The following RDX variants were observed in gnomAD, a reference collection of about 807,000 sequenced individuals.
RDX encodes radixin, also known as deafness, autosomal recessive 24.
A neutral mutation model predicts 83.7 loss-of-function variants in RDX; 32 were observed. The observed-to-expected ratio is 0.38, with a 90% CI of 0.29 to 0.51. The LOEUF (loss-of-function observed/expected upper bound fraction) is 0.51, where lower values mean the gene tolerates loss of function less well. Ranked by LOEUF, RDX falls within the 20% of genes least tolerant of loss-of-function variation. The probability of loss-of-function intolerance (pLI) is 0.87; values close to 1 mark genes in which losing one functional copy is unlikely to be tolerated. For synonymous variants in RDX, 229 were observed against 222.7 expected (o/e 1.03, Z -0.25); for missense variants, 600 against 689.9 (o/e 0.87, Z 1.46).
intron 3 of RDX, among the ~76,000 whole-genome samples, chr11:110,269,115 A>G (rs1860187583): frequency 6.6e-6 from 1 of 151,944 alleles, no homozygotes; most frequent in Non-Finnish European, 1.5e-5. Context: ...CACCACACTC[A>G]GCTAATGTTT....
intron 7 of RDX, among the ~76,000 whole-genome samples, chr11:110,255,790 G>A (rs1202973975): frequency 6.6e-6 from 1 of 152,024 alleles, no homozygotes; most frequent in African/African-American, 2.4e-5. Flanking sequence ...CTTCTCATGT[G>A]AATTACGGGC....
chr11:110,183,936 G>T (rs1862936327), intron 15 of RDX, among the ~76,000 whole-genome samples: 1 of 152,206 alleles, frequency 6.6e-6, no homozygotes, highest in Non-Finnish European at 1.5e-5. Flanking sequence ...GCTTTGTGTT[G>T]GGAGGGCTGT....
intron 15 of RDX, among the ~76,000 whole-genome samples, chr11:110,189,553 A>G (rs1192836724): frequency 1.3e-5 from 2 of 152,196 alleles, no homozygotes; most frequent in African/African-American, 4.8e-5. Context: ...CACAGAATAT[A>G]CATTCTTCTC....
At chr11:110,209,712 C>T in intron 14 of RDX, among the ~76,000 whole-genome samples, 1 of 146,786 alleles carries the variant, frequency 6.8e-6, no homozygotes, top group African/African-American at 2.5e-5. Context: ...TGGGAGGCAC[C>T]CCCCAGCAGG....
At chr11:110,243,371 A>G (rs750016607) in intron 10 of RDX, among the ~76,000 whole-genome samples, 2 of 152,206 alleles carry the variant, frequency 1.3e-5, no homozygotes, top group Non-Finnish European at 2.9e-5. Flanking sequence ...CTAGTGGAAG[A>G]AGTGATAAGG....
rs34158580 is a variant in RDX at position 110,203,413 on chromosome 11, T to TA, written c.1749-3736dup. Among the ~76,000 whole-genome samples, 1,052 of 125,494 alleles carry TA rather than the reference T, an allele frequency of 8.4e-3. 16 individuals are homozygous for TA. Among genetic ancestry groups the TA allele is most frequent in the African/African-American group, 0.024 (836 of 35,124 alleles). The allele number at this position is 125,494 out of a possible 152,430, so 82.3% of individuals were successfully genotyped here. The stretch of plus-strand genomic sequence containing the variant: ...TTGGGAGGTGAGAATTGTTAATGGG[T>TA]AAAAAAAAAAAAAAAAAAAGTAGAA... On this transcript the variant is annotated intron_variant, in intron 14 of 15. Coordinates refer to the RDX transcript ENST00000528498.
chr11:110,267,951 C>CT, intron 3 of RDX, among the ~76,000 whole-genome samples: 1 of 150,012 alleles, frequency 6.7e-6, no homozygotes, highest in Non-Finnish European at 1.5e-5. Context: ...AAGACCCTGT[C>CT]TGAAAAAAAA....
intron 10 of RDX, 50 bp downstream of exon 10, chr11:110,247,653 C>T: frequency 1.3e-6 from 2 of 1,588,496 alleles, no homozygotes; most frequent in Non-Finnish European, 1.7e-6. Context: ...CACTATCTGA[C>T]AACAGAGCAA....
intron 14 of RDX, among the ~76,000 whole-genome samples, chr11:110,212,273 A>C (rs1159922882): frequency 1.3e-5 from 2 of 152,004 alleles, no homozygotes; most frequent in Non-Finnish European, 2.9e-5. Flanking sequence ...CATTCTCCCA[A>C]GACTAAACCA....
intron 7 of RDX, 84 bp from the exon 8 acceptor site, chr11:110,255,469 C>A: frequency 1.3e-6 from 1 of 764,902 alleles, no homozygotes; most frequent in South Asian, 1.4e-5. Context: ...GACTGAATGA[C>A]CAATCTTAAG....
intron 15 of RDX, among the ~76,000 whole-genome samples, chr11:110,176,088 C>CTTT (rs11452453): frequency 4.9e-5 from 7 of 143,266 alleles, no homozygotes; most frequent in Non-Finnish European, 9.1e-5. Flanking sequence ...TTCTTTTTTT[C>CTTT]TTTTTTTTTT....
At chr11:110,182,182 C>G (rs1374837958) in intron 15 of RDX, among the ~76,000 whole-genome samples, 1 of 152,234 alleles carries the variant, frequency 6.6e-6, no homozygotes, top group Admixed American at 6.5e-5. Context: ...AGATTCCTTG[C>G]CGCAGTGCTG....
In RDX at chr11:110,230,578, G is replaced by GAACA. The variant is rs886047635; in HGVS notation, c.*1290_*1291insTGTT. On this transcript the variant is annotated 3_prime_UTR_variant, in exon 14 of 14. Coordinates refer to ENST00000645495, the MANE Select transcript of RDX (RefSeq NM_002906.4). Reference sequence around the variant, plus strand: ...TTTCTCTCTCTCATACACACACAGAGTACACACACACACACACACACACAC... The same window carrying GAACA: ...TTTCTCTCTCTCATACACACACAGAGAACATACACACACACACACACACACACAC... 3.6e-4 allele frequency: 29 copies of GAACA among 81,052 alleles called. No individual in the cohort carries two copies. Among genetic ancestry groups the GAACA allele is most frequent in the African/African-American group, 1.3e-3 (28 of 22,098 alleles). 5.0% of individuals were successfully genotyped at this position (81,052 alleles called of 1,614,324 possible).
intron 3 of RDX, among the ~76,000 whole-genome samples, chr11:110,267,493 C>T (rs979734856): frequency 1.0e-4 from 14 of 135,570 alleles, no homozygotes; most frequent in Non-Finnish European, 2.2e-4. Flanking sequence ...AGCCTGGGTG[C>T]CAGAGCGAGA....
intron 2 of RDX, among the ~76,000 whole-genome samples, chr11:110,277,395 C>A (rs1860564980): frequency 6.6e-6 from 1 of 152,186 alleles, no homozygotes; most frequent in African/African-American, 2.4e-5. Context: ...TCTTGGCTCA[C>A]TGCAACCTTC....
intron 14 of RDX, among the ~76,000 whole-genome samples, chr11:110,207,310 TG>T (rs1863642576): frequency 6.6e-6 from 1 of 152,160 alleles, no homozygotes; most frequent in Non-Finnish European, 1.5e-5. Flanking sequence ...ATAGATCTAC[TG>T]AATGTGAAAC....
At chr11:110,273,213 C>A in intron 2 of RDX, 1 of 349,918 alleles carries the variant, frequency 2.9e-6, no homozygotes. Flanking sequence ...ACCCTGCCTC[C>A]AAAAACAAAG....
At chr11:110,205,454 C>T (rs1373273926) in intron 14 of RDX, among the ~76,000 whole-genome samples, 15 of 120,848 alleles carry the variant, frequency 1.2e-4, no homozygotes, top group African/African-American at 5.2e-4. Flanking sequence ...AAAAAAAAAC[C>T]ACCATAAAAA....
intron 15 of RDX, among the ~76,000 whole-genome samples, chr11:110,184,144 A>C (rs1862940137): frequency 6.6e-6 from 1 of 152,224 alleles, no homozygotes; most frequent in African/African-American, 2.4e-5. Flanking sequence ...AGGGGATGAT[A>C]GAACAATCTG....
Sources: gnomAD v4.1 joint callset for allele counts (sites outside exome capture counted in the v4.1 genomes callset) on GRCh38, gnomAD v4.1.1 for gene constraint, MANE v1.5 for transcripts, NCBI Gene and HGNC (gene_info 2026-07-23, HGNC 2026-07-21) for gene names.